The following ANKRD30B variants were observed in gnomAD, a reference collection of about 807,000 sequenced individuals.
The protein encoded by ANKRD30B is ankyrin repeat domain 30B, also known as ankyrin repeat domain-containing protein 30B.
A neutral mutation model predicts 202.2 loss-of-function variants in ANKRD30B; 144 were observed. The observed-to-expected ratio is 0.71, with a 90% CI of 0.62 to 0.82. ANKRD30B has a LOEUF of 0.82. Ranked by LOEUF, ANKRD30B falls within the 40% of genes least tolerant of loss-of-function variation. ANKRD30B has a pLI of 0.00. For synonymous variants in ANKRD30B, 508 were observed against 561.3 expected, an observed-to-expected ratio of 0.91 and a Z score of 1.34; for missense variants, 1,487 against 1,669.1, an observed-to-expected ratio of 0.89 and a Z score of 1.90.
the ANKRD30B span, among the ~76,000 whole-genome samples, chr18:14,926,019 A>AAAATC: frequency 2.0e-5 from 3 of 152,202 alleles, no homozygotes; most frequent in Non-Finnish European, 4.4e-5. Flanking sequence ...AAATGACAAC[A>AAAATC]TTTTTAAAAG....
At chr18:14,912,905 T>C in the ANKRD30B span, among the ~76,000 whole-genome samples, 1 of 152,170 alleles carries the variant, frequency 6.6e-6, no homozygotes, top group Non-Finnish European at 1.5e-5. Flanking sequence ...AAAAGCAAAA[T>C]ATTGAGCTGA....
the ANKRD30B span, among the ~76,000 whole-genome samples, chr18:14,872,920 A>G: frequency 6.6e-6 from 1 of 152,126 alleles, no homozygotes; most frequent in African/African-American, 2.4e-5. Flanking sequence ...TGCCCCTAGA[A>G]TGGAGACATC....
chr18:14,785,479 A>G (rs1188721441), intron 14 of ANKRD30B, among the ~76,000 whole-genome samples: 1 of 152,250 alleles, frequency 6.6e-6, no homozygotes. Context: ...GAAAACATGC[A>G]GATTTCCAAG....
intron 32 of ANKRD30B, among the ~76,000 whole-genome samples, chr18:14,827,536 A>G (rs554080614): frequency 1.4e-3 from 211 of 152,250 alleles, no homozygotes; most frequent in Non-Finnish European, 2.3e-3. Flanking sequence ...TACAGAATTC[A>G]TTGCTTATTT....
rs1487834774 is a variant in ANKRD30B at position 14,764,024 on chromosome 18, G to GA, written c.1164dup (p.Gly389ArgfsTer4). ...AACACCTAATAAAACTGAAGTTTTG[G>GA]AAAAAGGAACATCTAATATGATTGC... On this transcript the variant is annotated frameshift_variant, in exon 7 of 44. Transcript: ENST00000690538. LOFTEE classifies it high-confidence loss of function. 6.4e-7 allele frequency: 1 copy of GA among 1,570,344 alleles called. No homozygotes were observed. Among genetic ancestry groups the GA allele is most frequent in the Non-Finnish European group, 8.6e-7 (1 of 1,165,134 alleles).
At chr18:14,809,756 T>TA (rs35683790) in intron 26 of ANKRD30B, among the ~76,000 whole-genome samples, 9 of 150,944 alleles carry the variant, frequency 6.0e-5, no homozygotes, top group Non-Finnish European at 1.3e-4. Flanking sequence ...TGCAATTTTG[T>TA]TTTACAATAA....
chr18:14,844,684 G>A (rs1971559280), intron 39 of ANKRD30B, among the ~76,000 whole-genome samples: 1 of 152,172 alleles, frequency 6.6e-6, no homozygotes, highest in African/African-American at 2.4e-5. Flanking sequence ...GGTTGAGCGA[G>A]TTTACACTCC....
At chr18:14,834,178 T>C (rs2474057) in intron 34 of ANKRD30B, among the ~76,000 whole-genome samples, 7 of 151,994 alleles carry the variant, frequency 4.6e-5, no homozygotes, top group African/African-American at 1.7e-4. Context: ...CATTTTTCCA[T>C]ACAAGAGGTA....
chr18:14,822,532 A>T, intron 31 of ANKRD30B, 21 bp downstream of exon 31: 1 of 1,261,592 alleles, frequency 7.9e-7, no homozygotes, highest in East Asian at 2.4e-5. Context: ...TTATATTTTT[A>T]TCTTGAATAT....
At chr18:14,923,347 T>C in the ANKRD30B span, among the ~76,000 whole-genome samples, 2 of 152,080 alleles carry the variant, frequency 1.3e-5, no homozygotes, top group African/African-American at 4.8e-5. Flanking sequence ...GGGTTCTAAG[T>C]GAACATTGGC....
At chr18:14,889,412 A>G in the ANKRD30B span, among the ~76,000 whole-genome samples, 2 of 152,182 alleles carry the variant, frequency 1.3e-5, no homozygotes, top group African/African-American at 2.4e-5. Context: ...TTAAACCTGT[A>G]TCATTATATA....
At chr18:14,796,920 T>C (rs540245156) in intron 18 of ANKRD30B, among the ~76,000 whole-genome samples, 11 of 152,306 alleles carry the variant, frequency 7.2e-5, no homozygotes, top group African/African-American at 2.4e-4. Flanking sequence ...AGAAATACAG[T>C]ATACAGGGAT....
chr18:14,916,450 G>C, the ANKRD30B span, among the ~76,000 whole-genome samples: 1 of 152,146 alleles, frequency 6.6e-6, no homozygotes, highest in Non-Finnish European at 1.5e-5. Flanking sequence ...GGAGTAAATT[G>C]CTCAAGTCAC....
At chr18:14,855,320 A>G (rs563370875), downstream of ANKRD30B, among the ~76,000 whole-genome samples, 37 of 152,334 alleles carry the variant, frequency 2.4e-4, no homozygotes, top group Middle Eastern at 3.4e-3. Flanking sequence ...ACACAGACAC[A>G]GTAACAATCT....
chr18:14,905,990 G>C, the ANKRD30B span: 1 of 151,882 alleles, frequency 6.6e-6, no homozygotes, highest in Non-Finnish European at 1.5e-5. Context: ...TTTATGATTT[G>C]CTTGGCCCTG....
intron 8 of ANKRD30B, among the ~76,000 whole-genome samples, chr18:14,770,064 T>G (rs1477120153): frequency 6.6e-6 from 1 of 152,208 alleles, no homozygotes; most frequent in African/African-American, 2.4e-5. Context: ...TAGTTTTTCT[T>G]CAAAGCAGTT....
Position 14,810,146 on chromosome 18 carries a change from CT to C in ANKRD30B, c.2456del (p.Leu819Ter). On this transcript the variant is annotated frameshift_variant, in exon 28 of 44. Coordinates refer to ENST00000690538, the MANE Select transcript of ANKRD30B (RefSeq NM_001367607.2). LOFTEE classifies it high-confidence loss of function. ...GGAAAGTTTCTCTTCCAAATAAAGC[CT>C]TAGAATTAAAGGACAGAGAAACATT... Reference protein sequence around the residue: ...VRKVSLPNKALELKDRETLKA... With the variant: ...VRKVSLPNKAXELKDRETLKA... 1 of 1,479,664 alleles carries C rather than the reference CT, an allele frequency of 6.8e-7. No individual in the cohort carries two copies. The highest frequency in any genetic ancestry group is 9.2e-7 in the Non-Finnish European group (1 of 1,090,580). The allele number at this position is 1,479,664 out of a possible 1,614,324, so 91.7% of individuals were successfully genotyped here.
At chr18:14,754,342 A>G (rs1174268222) in intron 3 of ANKRD30B, among the ~76,000 whole-genome samples, 1 of 152,184 alleles carries the variant, frequency 6.6e-6, no homozygotes, top group Non-Finnish European at 1.5e-5. Flanking sequence ...TCTCTGCCAC[A>G]AAAATATATT....
At chr18:14,788,554 C>T (rs1968243733) in intron 15 of ANKRD30B, among the ~76,000 whole-genome samples, 1 of 152,072 alleles carries the variant, frequency 6.6e-6, no homozygotes, top group African/African-American at 2.4e-5. Flanking sequence ...CTCCCCCCAC[C>T]CCACAACAGT....
Sources: allele counts gnomAD v4.1 joint callset (sites outside exome capture counted in the v4.1 genomes callset), GRCh38; gene constraint gnomAD v4.1.1; transcripts MANE v1.5; gene names NCBI Gene and HGNC (gene_info 2026-07-23, HGNC 2026-07-21).